Variants in ZNF841 observed in about 807,000 individuals in gnomAD.
ZNF841 encodes the protein zinc finger protein 841.
ZNF841 carries 11 observed loss-of-function variants against 13.0 expected under a neutral mutation model. The observed-to-expected ratio is 0.85, with a 90% confidence interval of 0.53 to 1.40. The LOEUF (loss-of-function observed/expected upper bound fraction) is 1.40, where lower values mean the gene tolerates loss of function less well. Among genes scored for constraint, ZNF841 ranks in the 40% most tolerant of loss-of-function variants. The pLI, the probability that ZNF841 is intolerant of heterozygous loss-of-function variation, is 0.00. For missense variants in ZNF841, 1,068 were observed against 1,139.5 expected (o/e 0.94, Z 0.90); for synonymous variants, 369 against 381.6 (o/e 0.97, Z 0.38).
In ZNF841 at chr19:52,066,405, C is replaced by T. The variant is rs765342123; in HGVS notation, c.1477G>A (p.Val493Ile). Residue 493 changes from valine to isoleucine, a missense_variant, in exon 7 of 7, where the codon GTC becomes ATC. Val to Ile is a conservative substitution (Grantham distance 29, BLOSUM62 3). Coordinates refer to ENST00000594440, the MANE Select transcript of ZNF841 (RefSeq NM_001136499.2). Reference sequence around the variant, plus strand: ...GCAAGATGTGAATGTTGACTGAAGACCTTGCCACATTCATTACATTTGTAG... The same window carrying T: ...GCAAGATGTGAATGTTGACTGAAGATCTTGCCACATTCATTACATTTGTAG... ...KPYKCNECGK[V>I]FSQHSHLAVH... is the part of the protein sequence containing the mutation. 6.2e-7 allele frequency: 1 copy of T among 1,614,014 alleles called. No homozygotes were observed. Among genetic ancestry groups the T allele is most frequent in the Admixed American group, 1.7e-5 (1 of 60,002 alleles).
Position 52,090,785 on chromosome 19 carries a change from A to G in ZNF841, c.-143-1783T>C, listed in dbSNP as rs147370287. Among the ~76,000 whole-genome samples, 1,310 of 152,288 alleles carry G rather than the reference A, an allele frequency of 8.6e-3. 20 individuals carry two copies. Among genetic ancestry groups the G allele is most frequent in the African/African-American group, 0.03 (1,258 of 41,560 alleles). On this transcript the variant is annotated intron_variant, in intron 2 of 6. Transcript: ENST00000594440. ...TCATGACCAACTCTGCATTCCACTG[A>G]AGGCTATATGATTAAACAGCAAACT...
In ZNF841 at chr19:52,076,179, A is replaced by G. The variant is rs1775162055; in HGVS notation, c.143-7T>C. 2 of 1,550,128 alleles carry G rather than the reference A, an allele frequency of 1.3e-6. No homozygotes were observed. Among genetic ancestry groups the G allele is most frequent in the Admixed American group, 2.0e-5 (1 of 50,644 alleles). ...AGGTCAGGAAGACAGAGTCCTGCTT[A>G]TAAAAAAAGAAAGAAGATGTCCCAC... On this transcript the variant is annotated splice_region_variant and splice_polypyrimidine_tract_variant and intron_variant, in intron 5 of 6. Coordinates refer to ENST00000594440, the MANE Select transcript of ZNF841 (RefSeq NM_001136499.2).
chr19:52,066,332 T>C lies in ZNF841; in HGVS notation c.1550A>G (p.Glu517Gly). The change falls in exon 7 of 7, where the codon GAA becomes GGA. Residue 517 changes from glutamate to glycine, a missense_variant. Transcript: ENST00000594440. ...HTGEKPYKCN[E>G]CGKAFNWGSL... Reference sequence around the variant, plus strand: ...GCCCCAATTAAAGGCTTTGCCACATTCATTACATTTGTAAGGTTTCTCTCC... The same window carrying C: ...GCCCCAATTAAAGGCTTTGCCACATCCATTACATTTGTAAGGTTTCTCTCC... The C allele has an allele frequency of 6.2e-7, 1 of 1,613,926 alleles. No homozygotes were observed. The highest frequency in any genetic ancestry group is 8.5e-7 in the Non-Finnish European group (1 of 1,179,888).
At chr19:52,072,353 A>G (rs1353893931) in intron 6 of ZNF841, among the ~76,000 whole-genome samples, 1 of 152,232 alleles carries the variant, frequency 6.6e-6, no homozygotes, top group Admixed American at 6.5e-5. Flanking sequence ...TGCATAACAC[A>G]TCACCCAAAA....
intron 2 of ZNF841, among the ~76,000 whole-genome samples, chr19:52,089,697 C>G (rs1282379944): frequency 1.3e-5 from 2 of 152,150 alleles, no homozygotes; most frequent in African/African-American, 4.8e-5. Context: ...ATCCCACTTC[C>G]AAGTGCTTCT....
At chr19:52,082,462 T>C (rs752546448) in intron 4 of ZNF841, among the ~76,000 whole-genome samples, 1 of 152,208 alleles carries the variant, frequency 6.6e-6, no homozygotes, top group Non-Finnish European at 1.5e-5. Flanking sequence ...AAAAAATTCA[T>C]GCAAAGAAAA....
rs2088482998 is a variant in ZNF841 at position 52,091,097 on chromosome 19, T to C, written c.-143-2095A>G. Among the ~76,000 whole-genome samples, 3 of 152,148 alleles carry C rather than the reference T, an allele frequency of 2.0e-5. No homozygotes were observed. In the South Asian group the frequency reaches 6.2e-4, roughly 31 times the overall value. On this transcript the variant is annotated intron_variant, in intron 2 of 6. Coordinates refer to ENST00000594440, the MANE Select transcript of ZNF841 (RefSeq NM_001136499.2). ...AGCCCCTGACCCCTTCTTCCAAATA[T>C]ACTCTTTTGTCTTTGTCTTTATTCC...
At chr19:52,074,204 A>G (rs2087823503) in intron 6 of ZNF841, among the ~76,000 whole-genome samples, 1 of 152,232 alleles carries the variant, frequency 6.6e-6, no homozygotes, top group East Asian at 1.9e-4. Context: ...GCATTCCCCA[A>G]CACAACACTA....
intron 1 of ZNF841, among the ~76,000 whole-genome samples, chr19:52,094,455 T>C (rs1178188949): frequency 3.3e-5 from 5 of 152,128 alleles, no homozygotes; most frequent in Non-Finnish European, 7.3e-5. Context: ...CCCTCTTTTA[T>C]GTCTGTTCTG....
At chr19:52,059,357 A>G in the ZNF841 span, among the ~76,000 whole-genome samples, 1 of 106,054 alleles carries the variant, frequency 9.4e-6, no homozygotes, top group Non-Finnish European at 1.8e-5. Context: ...CTAAAAAAAA[A>G]AAAAAAAAAA....
At chr19:52,061,709 T>G (rs1010568159), downstream of ZNF841, among the ~76,000 whole-genome samples, 1 of 152,030 alleles carries the variant, frequency 6.6e-6, no homozygotes, top group South Asian at 2.1e-4. Flanking sequence ...ACCATGCCCA[T>G]CTAATTTTGT....
chr19:52,069,029 C>T (rs2087668380), intron 6 of ZNF841, among the ~76,000 whole-genome samples: 1 of 152,154 alleles, frequency 6.6e-6, no homozygotes, highest in Non-Finnish European at 1.5e-5. Flanking sequence ...TTCATGCCTA[C>T]AACTATGTAA....
chr19:52,063,135 A>G (rs1251074825), downstream of ZNF841, among the ~76,000 whole-genome samples: 3 of 152,154 alleles, frequency 2.0e-5, no homozygotes, highest in Non-Finnish European at 2.9e-5. Flanking sequence ...TCGGCCTCCC[A>G]AAGTGCTGGG....
At position 52,077,049 on chromosome 19, in the gene ZNF841, GA is replaced by G; in HGVS notation, c.50del (p.Phe17SerfsTer20). 1 of 1,612,706 alleles carries G rather than the reference GA, an allele frequency of 6.2e-7. No individual in the cohort carries two copies. Among genetic ancestry groups the G allele is most frequent in the Non-Finnish European group, 8.5e-7 (1 of 1,179,236 alleles). ...SLTFRDVAVEFSQEEWKCLDP... is the reference protein window; with the variant it reads ...SLTFRDVAVEXSQEEWKCLDP... ...CCAGGCATTTCCACTCCTCCTGAGA[GA>G]ATTCTACAGCCACATCCCTGAATGT... On this transcript the variant is annotated frameshift_variant, in exon 5 of 7. Coordinates refer to ENST00000594440, the MANE Select transcript of ZNF841 (RefSeq NM_001136499.2). LOFTEE classifies it high-confidence loss of function.
chr19:52,094,636 C>G (rs1367271267), intron 1 of ZNF841, among the ~76,000 whole-genome samples: 1 of 151,988 alleles, frequency 6.6e-6, no homozygotes, highest in African/African-American at 2.4e-5. Context: ...CACTCTCTAG[C>G]ACCCCCAATT....
rs767795373 is a variant in ZNF841, at chr19:52,066,140, T to A, written c.1742A>T (p.Tyr581Phe). 2 of 1,613,724 alleles carry A rather than the reference T, an allele frequency of 1.2e-6. No individual in the cohort carries two copies. The highest frequency in any genetic ancestry group is 1.7e-6 in the Non-Finnish European group (2 of 1,179,918). Residue 581 changes from tyrosine to phenylalanine, a missense_variant, in exon 7 of 7, where the codon TAT (tyrosine) becomes TTT (phenylalanine). By Grantham distance (22) the Tyr-to-Phe change is conservative. Coordinates refer to ENST00000594440, the MANE Select transcript of ZNF841 (RefSeq NM_001136499.2). ...CNKCGMVFTY[Y>F]SCLARHQRMH... ...TCTTTGATGACGTGCTAGGCATGAA[T>A]AGTAAGTGAAGACCATGCCACATTT...
At chr19:52,068,715 A>G (rs915830127) in intron 6 of ZNF841, among the ~76,000 whole-genome samples, 1 of 150,542 alleles carries the variant, frequency 6.6e-6, no homozygotes, top group Admixed American at 6.6e-5. Context: ...TCAGACCTAT[A>G]ATCCCAGCAT....
At chr19:52,074,332 G>A (rs532826220) in intron 6 of ZNF841, among the ~76,000 whole-genome samples, 28 of 152,262 alleles carry the variant, frequency 1.8e-4, no homozygotes, top group South Asian at 1.2e-3. Context: ...GAAAGCAATG[G>A]TTGCTTAAAA....
intron 3 of ZNF841, 69 bp from the exon 4 acceptor site, chr19:52,084,947 C>T: frequency 1.2e-6 from 1 of 844,140 alleles, no homozygotes; most frequent in Non-Finnish European, 1.8e-6. Context: ...CAACCATGCC[C>T]ACAGGGAAGG....
Sources: allele counts gnomAD v4.1 joint callset (sites outside exome capture counted in the v4.1 genomes callset), GRCh38; gene constraint gnomAD v4.1.1; transcripts MANE v1.5; gene names NCBI Gene and HGNC (gene_info 2026-07-23, HGNC 2026-07-21).